Variants in SHISA9 observed in about 807,000 individuals in gnomAD.
The protein encoded by SHISA9 is shisa family member 9, also known as protein shisa-9.
In SHISA9, 13 loss-of-function variants were observed where a neutral mutation model predicts 38.0. The ratio of observed to expected loss-of-function variants is 0.34; its 90% CI spans 0.22 to 0.54. The LOEUF (loss-of-function observed/expected upper bound fraction) is 0.54, where lower values mean the gene tolerates loss of function less well. Ranked by LOEUF, SHISA9 falls within the 20% of genes least tolerant of loss-of-function variation. The pLI is 0.91. For synonymous variants in SHISA9, 275 were observed against 242.0 expected, an observed-to-expected ratio of 1.14 and a Z score of -1.27; for missense variants, 538 against 575.8, an observed-to-expected ratio of 0.93 and a Z score of 0.67.
chr16:13,451,615 A>T, the SHISA9 span, among the ~76,000 whole-genome samples: 10 of 152,166 alleles, frequency 6.6e-5, no homozygotes, highest in Admixed American at 6.5e-4. Context: ...CAACCACATA[A>T]AGGGCAAGAG....
At chr16:12,994,682 G>A (rs963572709) in intron 2 of SHISA9, among the ~76,000 whole-genome samples, 1 of 152,150 alleles carries the variant, frequency 6.6e-6, no homozygotes, top group African/African-American at 2.4e-5. Flanking sequence ...AAGATTTCAG[G>A]GTTGTTTGTT....
the SHISA9 span, among the ~76,000 whole-genome samples, chr16:13,276,531 C>T: frequency 1.1e-4 from 17 of 152,222 alleles, no homozygotes; most frequent in Admixed American, 1.0e-3. Context: ...ATATTCCCAC[C>T]AGCAATGTAG....
chr16:13,073,270 T>A (rs2141925588), intron 2 of SHISA9, among the ~76,000 whole-genome samples: 1 of 151,216 alleles, frequency 6.6e-6, no homozygotes, highest in African/African-American at 2.4e-5. Flanking sequence ...TCTTGAGGAT[T>A]AATTGAGGTC....
chr16:13,171,237 GA>G (rs2050683283), intron 2 of SHISA9, among the ~76,000 whole-genome samples: 2 of 152,092 alleles, frequency 1.3e-5, no homozygotes, highest in Admixed American at 1.3e-4. Flanking sequence ...ATTCATGAGG[GA>G]TCCACCCCCA....
chr16:13,437,460 A>G, the SHISA9 span, among the ~76,000 whole-genome samples: 14 of 152,188 alleles, frequency 9.2e-5, no homozygotes, highest in Non-Finnish European at 1.6e-4. Context: ...AATTTTACGG[A>G]TGAAAAACTG....
intron 2 of SHISA9, among the ~76,000 whole-genome samples, chr16:13,195,814 G>A (rs957991763): frequency 6.6e-6 from 1 of 152,076 alleles, no homozygotes; most frequent in African/African-American, 2.4e-5. Flanking sequence ...TTGGCCAGGC[G>A]TGGTGGCTCA....
At chr16:13,090,294 G>C (rs1291350152) in intron 2 of SHISA9, among the ~76,000 whole-genome samples, 1 of 152,174 alleles carries the variant, frequency 6.6e-6, no homozygotes, top group African/African-American at 2.4e-5. Context: ...TTGGTGTGGA[G>C]AGTTCTGTAG....
chr16:13,147,721 C>G (rs886153509), intron 2 of SHISA9, among the ~76,000 whole-genome samples: 1 of 152,186 alleles, frequency 6.6e-6, no homozygotes, highest in African/African-American at 2.4e-5. Context: ...CTTGGCCTCC[C>G]AAAGTGTGGG....
intron 2 of SHISA9, among the ~76,000 whole-genome samples, chr16:13,185,121 CT>C (rs554932920): frequency 6.6e-6 from 1 of 152,092 alleles, no homozygotes; most frequent in South Asian, 2.1e-4. Context: ...TTCTGTTTTG[CT>C]TTTTTTGGTA....
chr16:12,918,180 A>C (rs1656380596), intron 2 of SHISA9, among the ~76,000 whole-genome samples: 1 of 152,214 alleles, frequency 6.6e-6, no homozygotes, highest in East Asian at 1.9e-4. Context: ...TTTATGACCA[A>C]ATCCCATAGC....
At chr16:13,510,827 A>T in the SHISA9 span, among the ~76,000 whole-genome samples, 1 of 152,120 alleles carries the variant, frequency 6.6e-6, no homozygotes, top group African/African-American at 2.4e-5. Context: ...TAGACTAAGA[A>T]TTGTCATCTC....
At chr16:12,921,814 C>T (rs1179295189) in intron 2 of SHISA9, among the ~76,000 whole-genome samples, 2 of 151,986 alleles carry the variant, frequency 1.3e-5, no homozygotes, top group Non-Finnish European at 2.9e-5. Flanking sequence ...CCAAGGCAGA[C>T]AAAATGATAA....
the SHISA9 span, among the ~76,000 whole-genome samples, chr16:13,368,869 A>G: frequency 2.6e-5 from 4 of 152,334 alleles, no homozygotes; most frequent in South Asian, 8.3e-4. Flanking sequence ...GGGAGTAAGT[A>G]TACAGTGTAT....
intron 2 of SHISA9, among the ~76,000 whole-genome samples, chr16:13,108,128 C>G (rs1314946672): frequency 6.6e-6 from 1 of 151,094 alleles, no homozygotes; most frequent in Admixed American, 6.6e-5. Flanking sequence ...GAGCCCCCCT[C>G]CGGCCCCACC....
At chr16:13,356,085 C>T in the SHISA9 span, among the ~76,000 whole-genome samples, 16 of 152,212 alleles carry the variant, frequency 1.1e-4, no homozygotes, top group South Asian at 4.2e-4. Flanking sequence ...GCGGTTCAGG[C>T]GTTTGGAAGT....
At chr16:13,384,566 T>C in the SHISA9 span, among the ~76,000 whole-genome samples, 2 of 152,250 alleles carry the variant, frequency 1.3e-5, no homozygotes, top group Middle Eastern at 3.4e-3. Context: ...CAGGAAGCAA[T>C]GGTACTCTGG....
chr16:13,457,944 GCTTC>G, the SHISA9 span, among the ~76,000 whole-genome samples: 16 of 148,956 alleles, frequency 1.1e-4, no homozygotes, highest in Admixed American at 4.0e-4. Flanking sequence ...TTCCTTCCTT[GCTTC>G]CTTCCTTCCT....
At chr16:12,961,705 G>A (rs1215084246) in intron 2 of SHISA9, among the ~76,000 whole-genome samples, 2 of 152,296 alleles carry the variant, frequency 1.3e-5, no homozygotes, top group Middle Eastern at 3.4e-3. Context: ...CCATTCCCCT[G>A]CCAAAAGCAA....
chr16:13,333,519 T>A, the SHISA9 span, among the ~76,000 whole-genome samples: 1 of 152,140 alleles, frequency 6.6e-6, no homozygotes, highest in African/African-American at 2.4e-5. Context: ...TTTCATGGCA[T>A]CCAGGGTGAA....
Sources: gnomAD v4.1 joint callset for allele counts (sites outside exome capture counted in the v4.1 genomes callset) on GRCh38, gnomAD v4.1.1 for gene constraint, MANE v1.5 for transcripts, NCBI Gene and HGNC (gene_info 2026-07-23, HGNC 2026-07-21) for gene names.